ATP8A2: variants seen among roughly 807,000 people sequenced by gnomAD.
ATP8A2 encodes ATPase phospholipid transporting 8A2.
Under a neutral mutation model 165.6 loss-of-function variants are expected in ATP8A2, and 100 were observed. That is an observed-to-expected ratio of 0.60 (90% CI 0.51 to 0.71). The LOEUF is 0.71. ATP8A2 is among the 30% of genes least tolerant of loss of function. ATP8A2 has a pLI of 0.00. For missense variants in ATP8A2, 1,227 were observed against 1,479.5 expected (o/e 0.83, Z 2.80); for synonymous variants, 543 against 548.8 (o/e 0.99, Z 0.15).
rs562499030 is a variant in ATP8A2, at chr13:25,711,309, CTGTAGGTATTAA to C, written c.2384+11967_2384+11978del. ...CGTGAGCTACCGCGCCTGGCCAGTC[CTGTAGGTATTAA>C]TGAACAGTTTCAGGATTTGAACTCT... On this transcript the variant is annotated intron_variant, in intron 25 of 36. Coordinates refer to ENST00000381655, the MANE Select transcript of ATP8A2 (RefSeq NM_016529.6). Among the ~76,000 whole-genome samples, 94 of 152,180 alleles carry C rather than the reference CTGTAGGTATTAA, an allele frequency of 6.2e-4. No individual in the cohort carries two copies. The East Asian group carries it at 0.014, about 23-fold the overall frequency.
intron 24 of ATP8A2, chr13:25,591,179 TC>T: frequency 2.4e-6 from 1 of 424,824 alleles, no homozygotes; most frequent in Non-Finnish European, 4.8e-6. Flanking sequence ...GTGAAATACA[TC>T]ATTTAAGTGT....
intron 1 of ATP8A2, among the ~76,000 whole-genome samples, chr13:25,450,248 A>G (rs1039178362): frequency 6.6e-6 from 1 of 152,202 alleles, no homozygotes; most frequent in Non-Finnish European, 1.5e-5. Flanking sequence ...GGCTGATTCC[A>G]TATCTTTACT....
intron 35 of ATP8A2, among the ~76,000 whole-genome samples, chr13:25,972,604 TG>T (rs1426571057): frequency 6.6e-6 from 1 of 152,170 alleles, no homozygotes; most frequent in Non-Finnish European, 1.5e-5. Flanking sequence ...AATCCCTACC[TG>T]GGGAAGCAGG....
chr13:25,829,668 G>GTGTATATATATATATA (rs1312948758), intron 28 of ATP8A2, among the ~76,000 whole-genome samples: 1 of 63,394 alleles, frequency 1.6e-5, no homozygotes, highest in African/African-American at 6.2e-5. Flanking sequence ...GACAGGTGTG[G>GTGTATATATATATATA]TATATATATA....
intron 24 of ATP8A2, among the ~76,000 whole-genome samples, chr13:25,632,642 G>T (rs1481954112): frequency 6.6e-6 from 1 of 152,144 alleles, no homozygotes; most frequent in East Asian, 1.9e-4. Context: ...GCTTCCGCTG[G>T]CCTTGCGTTA....
intron 24 of ATP8A2, among the ~76,000 whole-genome samples, chr13:25,695,898 C>T (rs930379143): frequency 2.6e-5 from 4 of 152,164 alleles, no homozygotes; most frequent in African/African-American, 7.2e-5. Flanking sequence ...CATAGGTGTT[C>T]TTAGTGACAT....
At chr13:25,446,826 T>C (rs1406281635) in intron 1 of ATP8A2, among the ~76,000 whole-genome samples, 1 of 150,652 alleles carries the variant, frequency 6.6e-6, no homozygotes, top group African/African-American at 2.4e-5. Context: ...TAAGAGAACT[T>C]TGATTTTTAT....
intron 1 of ATP8A2, among the ~76,000 whole-genome samples, chr13:25,416,687 A>G (rs1472756451): frequency 6.6e-6 from 1 of 152,242 alleles, no homozygotes; most frequent in Non-Finnish European, 1.5e-5. Context: ...CCCTCAGGAA[A>G]CATTAGCTGT....
chr13:25,542,693 A>G (rs1471162850), intron 9 of ATP8A2, among the ~76,000 whole-genome samples: 1 of 152,126 alleles, frequency 6.6e-6, no homozygotes, highest in Non-Finnish European at 1.5e-5. Flanking sequence ...GGACCTGATC[A>G]TAGGAATCAA....
intron 33 of ATP8A2, among the ~76,000 whole-genome samples, chr13:25,950,091 C>T (rs1293878962): frequency 1.3e-5 from 2 of 152,198 alleles, no homozygotes; most frequent in Non-Finnish European, 2.9e-5. Context: ...TGAGCCACCG[C>T]TCCCAGCCCA....
Position 25,774,960 on chromosome 13 carries a change from G to A in ATP8A2, c.2679+1G>A, listed in dbSNP as rs1249037716. On this transcript the variant is annotated splice_donor_variant, in intron 27 of 36. Coordinates refer to ENST00000381655, the MANE Select transcript of ATP8A2 (RefSeq NM_016529.6). LOFTEE classifies it high-confidence loss of function. ...GAACGTGGTCCTGTATATTATTGAG[G>A]TAAGAAGGGGTATTTTTTTTCCTTG... 3.3e-6 allele frequency: 5 copies of A among 1,515,262 alleles called. No individual in the cohort carries two copies. The highest frequency in any genetic ancestry group is 4.5e-6 in the Non-Finnish European group (5 of 1,099,412). The allele number at this position is 1,515,262 out of a possible 1,614,324, so 93.9% of individuals were successfully genotyped here.
intron 1 of ATP8A2, among the ~76,000 whole-genome samples, chr13:25,442,897 T>C (rs930623581): frequency 1.3e-5 from 2 of 152,172 alleles, no homozygotes; most frequent in Admixed American, 6.5e-5. Context: ...TGTCAATTTG[T>C]TGTTGTTGTT....
intron 33 of ATP8A2, among the ~76,000 whole-genome samples, chr13:25,935,179 A>C (rs1306574620): frequency 6.6e-6 from 1 of 152,152 alleles, no homozygotes. Flanking sequence ...CTATTAAATT[A>C]TGGTGGATTT....
At chr13:25,512,396 T>C (rs1277509721) in intron 2 of ATP8A2, among the ~76,000 whole-genome samples, 9 of 150,976 alleles carry the variant, frequency 6.0e-5, no homozygotes, top group African/African-American at 2.2e-4. Context: ...AGCTGTTGGG[T>C]ACACCTCCCA....
At chr13:25,772,391 C>T (rs935095080) in intron 26 of ATP8A2, among the ~76,000 whole-genome samples, 4 of 152,088 alleles carry the variant, frequency 2.6e-5, no homozygotes, top group Middle Eastern at 6.3e-3. Context: ...CAGGGGGTCC[C>T]GGTCAAATAC....
chr13:25,943,706 G>A (rs971206877), intron 33 of ATP8A2, among the ~76,000 whole-genome samples: 5 of 152,160 alleles, frequency 3.3e-5, no homozygotes, highest in South Asian at 4.1e-4. Context: ...TGTTATTTTC[G>A]CTTCATAGAT....
chr13:25,810,775 A>G (rs1264778612), intron 27 of ATP8A2, among the ~76,000 whole-genome samples: 3 of 152,152 alleles, frequency 2.0e-5, no homozygotes, highest in African/African-American at 7.2e-5. Context: ...GGGAGCGAGC[A>G]GAGGGAGCTG....
intron 24 of ATP8A2, among the ~76,000 whole-genome samples, chr13:25,643,367 T>C (rs1023528612): frequency 6.6e-6 from 1 of 152,156 alleles, no homozygotes; most frequent in Non-Finnish European, 1.5e-5. Context: ...TTTGGGTTGC[T>C]TGCAGTTTTT....
rs150205739 is a variant in ATP8A2 at position 25,796,095 on chromosome 13, A to G, written c.2679+21136A>G. Among the ~76,000 whole-genome samples, 595 of 152,102 alleles carry G rather than the reference A, an allele frequency of 3.9e-3. 4 individuals carry two copies. Among genetic ancestry groups the G allele is most frequent in the African/African-American group, 0.013 (546 of 41,502 alleles). On this transcript the variant is annotated intron_variant, in intron 27 of 36. Coordinates refer to ENST00000381655, the MANE Select transcript of ATP8A2 (RefSeq NM_016529.6). ...CTCCCTAGTAGCTGGGATTACAAGC[A>G]CCTGCCACCATACCCAGCTAATTTT... is the stretch of plus-strand genomic sequence containing the variant.
Sources: allele counts gnomAD v4.1 joint callset (sites outside exome capture counted in the v4.1 genomes callset), GRCh38; gene constraint gnomAD v4.1.1; transcripts MANE v1.5; gene names NCBI Gene and HGNC (gene_info 2026-07-23, HGNC 2026-07-21).